Variants in RAB3GAP2 observed in about 807,000 individuals in gnomAD.
The protein encoded by RAB3GAP2 is RAB3 GTPase activating non-catalytic protein subunit 2.
RAB3GAP2 carries 87 observed loss-of-function variants against 185.3 expected under a neutral mutation model. The observed-to-expected ratio is 0.47, with a 90% CI of 0.39 to 0.56. RAB3GAP2 has a LOEUF of 0.56. Ranked by LOEUF, RAB3GAP2 falls within the 20% of genes least tolerant of loss-of-function variation. The probability of loss-of-function intolerance (pLI) is 0.00; values close to 1 mark genes in which losing one functional copy is unlikely to be tolerated. For missense variants in RAB3GAP2, 1,492 were observed against 1,638.2 expected (o/e 0.91, Z 1.54); for synonymous variants, 554 against 576.1 (o/e 0.96, Z 0.55).
intron 1 of RAB3GAP2, among the ~76,000 whole-genome samples, chr1:220,261,764 CT>C (rs1286025705): frequency 6.6e-6 from 1 of 152,128 alleles, no homozygotes; most frequent in Non-Finnish European, 1.5e-5. Flanking sequence ...TTTTGCTACA[CT>C]TTTACTTAAA....
chr1:220,268,414 G>A (rs1473594075), intron 1 of RAB3GAP2, among the ~76,000 whole-genome samples: 1 of 152,154 alleles, frequency 6.6e-6, no homozygotes, highest in Non-Finnish European at 1.5e-5. Context: ...AGTACTTCTT[G>A]AATACCGTAG....
intron 1 of RAB3GAP2, among the ~76,000 whole-genome samples, chr1:220,240,005 AAAG>A (rs1293617801): frequency 6.6e-6 from 1 of 151,952 alleles, no homozygotes; most frequent in African/African-American, 2.4e-5. Flanking sequence ...AAAAAAAAAA[AAAG>A]AACACCACAT....
At chr1:220,153,150 T>G in intron 33 of RAB3GAP2, 35 bp downstream of exon 33, 2 of 1,493,850 alleles carry the variant, frequency 1.3e-6, no homozygotes, top group Non-Finnish European at 1.9e-6. Flanking sequence ...ATTTTATAAC[T>G]TGAGCCCAAT....
chr1:220,254,133 G>A, intron 1 of RAB3GAP2: 1 of 1,613,876 alleles, frequency 6.2e-7, no homozygotes, highest in Non-Finnish European at 8.5e-7. Context: ...CTGCCAAGAA[G>A]AATGTGGATT....
Position 220,182,791 on chromosome 1 carries a change from G to T in RAB3GAP2, c.2139C>A (p.Phe713Leu). The T allele has an allele frequency of 6.2e-7, 1 of 1,613,118 alleles. No homozygotes were observed. Among genetic ancestry groups the T allele is most frequent in the Non-Finnish European group, 8.5e-7 (1 of 1,179,728 alleles). ...DKDGVLPVKT[F>L]LEYLEYEKDV... Reference sequence around the variant, plus strand: ...CCTTTTCATATTCTAAATATTCCAAGAATGTTTTTACAGGCAACACACCAT... The same window carrying T: ...CCTTTTCATATTCTAAATATTCCAATAATGTTTTTACAGGCAACACACCAT... Residue 713 changes from phenylalanine to leucine, a missense_variant, in exon 20 of 35, where the codon TTC becomes TTA. By Grantham distance (22) the Phe-to-Leu change is conservative. Coordinates refer to ENST00000358951, the MANE Select transcript of RAB3GAP2 (RefSeq NM_012414.4).
At position 220,267,708 on chromosome 1, in the gene RAB3GAP2, G is replaced by A. The variant is rs1660254509; in HGVS notation, c.115+4515C>T. On this transcript the variant is annotated intron_variant, in intron 1 of 34. Coordinates refer to ENST00000358951, the MANE Select transcript of RAB3GAP2 (RefSeq NM_012414.4). The stretch of plus-strand genomic sequence containing the variant: ...TTGCTTCTGCTTCTGATTCTGAACT[G>A]GCTTGTGACTGGAGACAAGCTTTTG... 7 of 1,565,206 alleles carry A rather than the reference G, an allele frequency of 4.5e-6. No homozygotes were observed. In the Admixed American group the frequency reaches 1.2e-4, roughly 26 times the overall value.
intron 2 of RAB3GAP2, among the ~76,000 whole-genome samples, chr1:220,225,442 T>C (rs997846301): frequency 3.3e-5 from 5 of 152,158 alleles, no homozygotes; most frequent in African/African-American, 1.2e-4. Context: ...ATATCAGCGC[T>C]ATTGACATCT....
In RAB3GAP2 at chr1:220,148,324, A is replaced by C. The variant is rs1571868763; in HGVS notation, c.*2927T>G. 6.6e-6 allele frequency: 1 copy of C among 151,970 alleles called. No individual in the cohort carries two copies. Among genetic ancestry groups the C allele is most frequent in the East Asian group, 2.1e-4 (1 of 4,830 alleles). The allele number at this position is 151,970 out of a possible 1,614,324, so 9.4% of individuals were successfully genotyped here. ...CTGAAAATTTATTTCACTAATATAC[A>C]TAAGAAGTTCACAACAATGAACAGA... On this transcript the variant is annotated 3_prime_UTR_variant, in exon 35 of 35. Transcript: ENST00000358951.
chr1:220,152,660 C>T (rs955940884), intron 33 of RAB3GAP2, among the ~76,000 whole-genome samples: 2 of 152,166 alleles, frequency 1.3e-5, no homozygotes, highest in Non-Finnish European at 2.9e-5. Flanking sequence ...TCTGACCACT[C>T]TACTGTAGTG....
At chr1:220,249,682 G>A (rs1659895359) in intron 1 of RAB3GAP2, among the ~76,000 whole-genome samples, 1 of 152,170 alleles carries the variant, frequency 6.6e-6, no homozygotes, top group African/African-American at 2.4e-5. Flanking sequence ...CAGGCCCGGA[G>A]GCCTAGGAGG....
chr1:220,223,632 TCA>T (rs1659348491), intron 2 of RAB3GAP2, among the ~76,000 whole-genome samples: 1 of 151,948 alleles, frequency 6.6e-6, no homozygotes, highest in Admixed American at 6.6e-5. Flanking sequence ...CATTCATCTC[TCA>T]CAGTCTTGTT....
intron 1 of RAB3GAP2, chr1:220,253,540 GAGA>G (rs1426749867): frequency 3.7e-5 from 58 of 1,553,634 alleles, no homozygotes; most frequent in East Asian, 4.5e-5. Flanking sequence ...GGGGTGGTGG[GAGA>G]AGGAGGAGGC....
intron 2 of RAB3GAP2, among the ~76,000 whole-genome samples, chr1:220,218,777 T>C (rs1419986707): frequency 1.3e-5 from 2 of 151,314 alleles, no homozygotes; most frequent in Middle Eastern, 3.2e-3. Flanking sequence ...TGTCACAAAA[T>C]GCAATGGTGT....
chr1:220,226,583 G>T (rs1659406457), intron 2 of RAB3GAP2, among the ~76,000 whole-genome samples: 1 of 152,086 alleles, frequency 6.6e-6, no homozygotes, highest in Non-Finnish European at 1.5e-5. Flanking sequence ...GAAGATCTTT[G>T]TTTTACCTTT....
intron 7 of RAB3GAP2, chr1:220,208,221 C>T (rs1365715016): frequency 6.6e-6 from 1 of 152,150 alleles, no homozygotes; most frequent in Non-Finnish European, 1.5e-5. Context: ...TAAAAAGCTT[C>T]GTCATCCAGT....
intron 21 of RAB3GAP2, among the ~76,000 whole-genome samples, chr1:220,178,393 A>G (rs567063251): frequency 2.0e-5 from 3 of 152,306 alleles, no homozygotes; most frequent in South Asian, 2.1e-4. Flanking sequence ...TAAACCACAT[A>G]TATCTTTAGT....
At chr1:220,255,527 A>G (rs1487486271) in intron 1 of RAB3GAP2, among the ~76,000 whole-genome samples, 1 of 152,218 alleles carries the variant, frequency 6.6e-6, no homozygotes, top group Non-Finnish European at 1.5e-5. Context: ...GAAGCTAAGA[A>G]TCATGATCAA....
intron 9 of RAB3GAP2, chr1:220,200,747 A>G (rs1187657734): frequency 1.6e-5 from 7 of 450,188 alleles, no homozygotes; most frequent in South Asian, 3.4e-5. Flanking sequence ...TTTATTACAG[A>G]GTATTCCATG....
chr1:220,179,838 C>T (rs1658366914), intron 21 of RAB3GAP2, among the ~76,000 whole-genome samples: 1 of 152,100 alleles, frequency 6.6e-6, no homozygotes, highest in Non-Finnish European at 1.5e-5. Flanking sequence ...ATACAACATA[C>T]TAGAACAATG....
Sources: gnomAD v4.1 joint callset for allele counts (sites outside exome capture counted in the v4.1 genomes callset) on GRCh38, gnomAD v4.1.1 for gene constraint, MANE v1.5 for transcripts, NCBI Gene and HGNC (gene_info 2026-07-23, HGNC 2026-07-21) for gene names.